IQCH: variants seen among roughly 807,000 people sequenced by gnomAD.
IQCH encodes the protein IQ domain-containing protein H.
Under a neutral mutation model 117.0 loss-of-function variants are expected in IQCH, and 98 were observed. The ratio of observed to expected loss-of-function variants is 0.84; its 90% CI spans 0.71 to 0.99. The LOEUF (loss-of-function observed/expected upper bound fraction) is 0.99, where lower values mean the gene tolerates loss of function less well. Among genes scored for constraint, IQCH ranks in the 50% least tolerant of loss-of-function variants. The pLI is 0.00. For missense variants in IQCH, 1,102 were observed against 1,243.8 expected (o/e 0.89, Z 1.72); for synonymous variants, 412 against 448.2 (o/e 0.92, Z 1.02).
rs764214714 is a variant in IQCH at position 67,357,434 on chromosome 15, C to T, written c.714+13C>T. 6.0e-6 allele frequency: 9 copies of T among 1,503,756 alleles called. No homozygotes were observed. In the African/African-American group the frequency reaches 1.2e-4, roughly 21 times the overall value. The allele number at this position is 1,503,756 out of a possible 1,614,324, so 93.2% of individuals were successfully genotyped here. A position where few individuals can be genotyped will look rare whatever the true frequency, so the allele number is the denominator to read the frequency against. On this transcript the variant is annotated intron_variant, in intron 7 of 20. Coordinates refer to ENST00000335894, the MANE Select transcript of IQCH (RefSeq NM_001031715.3). Reference sequence around the variant, plus strand: ...ACAAAGATCAAAGGTATTTATATTCCTCACTATAGAAAGAAAATTATTCTT... The same window carrying T: ...ACAAAGATCAAAGGTATTTATATTCTTCACTATAGAAAGAAAATTATTCTT...
chr15:67,266,039 A>T (rs886322771), intron 3 of IQCH, among the ~76,000 whole-genome samples: 2 of 152,108 alleles, frequency 1.3e-5, no homozygotes, highest in Non-Finnish European at 2.9e-5. Flanking sequence ...ACTTTCCTTA[A>T]GTTTTGAATT....
At position 67,387,806 on chromosome 15, in the gene IQCH, T is replaced by C. The variant is rs371902046; in HGVS notation, c.1457-1025T>C. ...TGAAGAAATGAATGCTTAGAAAGGT[T>C]AAATAACTAGAATTTAATTCAGTCT... On this transcript the variant is annotated intron_variant, in intron 11 of 20. Coordinates refer to ENST00000335894, the MANE Select transcript of IQCH (RefSeq NM_001031715.3). The surrounding 1 kb of genome is among the most constrained non-coding windows in gnomAD (Gnocchi z 4.8). Among the ~76,000 whole-genome samples the C allele has an allele frequency of 2.6e-5, 4 of 152,224 alleles. No individual in the cohort carries two copies. In the East Asian group the frequency reaches 7.7e-4, roughly 29 times the overall value.
intron 1 of IQCH, among the ~76,000 whole-genome samples, chr15:67,257,956 G>GT (rs1273078951): frequency 6.6e-6 from 1 of 152,228 alleles, no homozygotes; most frequent in African/African-American, 2.4e-5. Flanking sequence ...TTGGCCAGGC[G>GT]TGGTGGCTCA....
chr15:67,471,972 C>T (rs2083080975), intron 17 of IQCH, among the ~76,000 whole-genome samples: 1 of 152,188 alleles, frequency 6.6e-6, no homozygotes, highest in African/African-American at 2.4e-5. Flanking sequence ...GACAAAGTCC[C>T]TATCCTTGAG....
rs142542397 is a variant in IQCH, at chr15:67,459,413, G to C, written c.2506-5714G>C. The stretch of plus-strand genomic sequence containing the variant: ...GAGAACTTTATTTGCACAGAATGTA[G>C]GGCCTGAGCACATCTGCCCACATCT... On this transcript the variant is annotated intron_variant, in intron 16 of 20. Transcript: ENST00000335894. This position sits in a 1 kb window ranked among gnomAD's most constrained non-coding sequence, Gnocchi z 4.2. Among the ~76,000 whole-genome samples the C allele has an allele frequency of 6.6e-6, 1 of 152,234 alleles. No individual in the cohort carries two copies. The highest frequency in any genetic ancestry group is 1.9e-4 in the East Asian group (1 of 5,182).
intron 16 of IQCH, among the ~76,000 whole-genome samples, chr15:67,428,953 C>G (rs1044175932): frequency 6.6e-6 from 1 of 151,918 alleles, no homozygotes; most frequent in Non-Finnish European, 1.5e-5. Flanking sequence ...GGACCATGAG[C>G]CAATGGCATG....
rs769848847 is a variant in IQCH, at chr15:67,391,300, A to C, written c.1632+2294A>C. ...TAAGCAATCAACTTTTTAAAAATACAAAAATTAAATTCTCACTTTCAAATC... is the reference window on the plus strand; with the variant it reads ...TAAGCAATCAACTTTTTAAAAATACCAAAATTAAATTCTCACTTTCAAATC... On this transcript the variant is annotated intron_variant, in intron 12 of 20. Coordinates refer to ENST00000335894, the MANE Select transcript of IQCH (RefSeq NM_001031715.3). The surrounding 1 kb of genome is among the most constrained non-coding windows in gnomAD (Gnocchi z 4.3). Among the ~76,000 whole-genome samples, 3 of 152,230 alleles carry C rather than the reference A, an allele frequency of 2.0e-5. No individual in the cohort carries two copies. The highest frequency in any genetic ancestry group is 4.8e-5 in the African/African-American group (2 of 41,460).
At chr15:67,363,492 C>T (rs1262336487) in intron 8 of IQCH, among the ~76,000 whole-genome samples, 1 of 151,934 alleles carries the variant, frequency 6.6e-6, no homozygotes, top group Non-Finnish European at 1.5e-5. Flanking sequence ...ATGATCTGCC[C>T]ACCTCAACCT....
At position 67,391,301 on chromosome 15, in the gene IQCH, A is replaced by G. The variant is rs917110761; in HGVS notation, c.1632+2295A>G. ...AAGCAATCAACTTTTTAAAAATACA[A>G]AAATTAAATTCTCACTTTCAAATCA... On this transcript the variant is annotated intron_variant, in intron 12 of 20. Transcript: ENST00000335894. This position sits in a 1 kb window ranked among gnomAD's most constrained non-coding sequence, Gnocchi z 4.3. 1.3e-5 allele frequency among the ~76,000 whole-genome samples: 2 copies of G among 152,216 alleles called. No homozygotes were observed. Among genetic ancestry groups the G allele is most frequent in the Admixed American group, 6.5e-5 (1 of 15,276 alleles).
rs2082910036 is a variant in IQCH, at chr15:67,465,565, C to G, written c.2676+268C>G. Among the ~76,000 whole-genome samples the G allele has an allele frequency of 6.6e-6, 1 of 152,050 alleles. No individual in the cohort carries two copies. Among genetic ancestry groups the G allele is most frequent in the African/African-American group, 2.4e-5 (1 of 41,404 alleles). Reference sequence around the variant, plus strand: ...TTTTTCTAGGCAGGTACACCTACACCCATTGCCTCAACTACAAGCTGTTTC... The same window carrying G: ...TTTTTCTAGGCAGGTACACCTACACGCATTGCCTCAACTACAAGCTGTTTC... On this transcript the variant is annotated intron_variant, in intron 17 of 20. Coordinates refer to ENST00000335894, the MANE Select transcript of IQCH (RefSeq NM_001031715.3). This position sits in a 1 kb window ranked among gnomAD's most constrained non-coding sequence, Gnocchi z 5.9.
intron 18 of IQCH, among the ~76,000 whole-genome samples, chr15:67,489,120 G>C (rs554888015): frequency 6.6e-5 from 10 of 150,684 alleles, no homozygotes; most frequent in African/African-American, 2.2e-4. Context: ...TGCAAGCTCC[G>C]CCTCCCAGGT....
At chr15:67,435,869 TA>T (rs78859437) in intron 16 of IQCH, among the ~76,000 whole-genome samples, 362 of 138,206 alleles carry the variant, frequency 2.6e-3, no homozygotes, top group Middle Eastern at 7.4e-3. Context: ...AGACCCTGTC[TA>T]AAAAAAAAAA....
rs1596361494 is a variant in IQCH at position 67,430,956 on chromosome 15, C to T, written c.2505+9379C>T. On this transcript the variant is annotated intron_variant, in intron 16 of 20. Transcript: ENST00000335894. The surrounding 1 kb of genome is among the most constrained non-coding windows in gnomAD (Gnocchi z 5.1). ...GTTTAACGGCCAAATGATTTTTCTA[C>T]ATGCATTCAGACAAGAGAAAGATCC... is the stretch of plus-strand genomic sequence containing the variant. Among the ~76,000 whole-genome samples, 1 of 152,184 alleles carries T rather than the reference C, an allele frequency of 6.6e-6. No homozygotes were observed. Among genetic ancestry groups the T allele is most frequent in the South Asian group, 2.1e-4 (1 of 4,828 alleles).
At position 67,456,046 on chromosome 15, in the gene IQCH, T is replaced by C. The variant is rs190417365; in HGVS notation, c.2506-9081T>C. 1.4e-4 allele frequency among the ~76,000 whole-genome samples: 21 copies of C among 152,232 alleles called. No homozygotes were observed. The East Asian group carries it at 3.7e-3, about 27-fold the overall frequency. On this transcript the variant is annotated intron_variant, in intron 16 of 20. Transcript: ENST00000335894. The surrounding 1 kb of genome is among the most constrained non-coding windows in gnomAD (Gnocchi z 5.1). Reference sequence around the variant, plus strand: ...ATCTTTATAAATAATAGTTGGGCCATTGGTCTTGAAAGTAATAGAGGGAGG... The same window carrying C: ...ATCTTTATAAATAATAGTTGGGCCACTGGTCTTGAAAGTAATAGAGGGAGG...
chr15:67,263,292 A>G, intron 3 of IQCH, 76 bp downstream of exon 3: 1 of 749,934 alleles, frequency 1.3e-6, no homozygotes, highest in Non-Finnish European at 2.3e-6. Context: ...TGAGATGACT[A>G]TAAAATATAG....
rs10663973 is a variant in IQCH, at chr15:67,301,401, GTTTTTTTTTTT to G, written c.387+21905_387+21915del. Among the ~76,000 whole-genome samples the G allele has an allele frequency of 1.2e-3, 91 of 75,376 alleles. 1 individual carries two copies. The highest frequency in any genetic ancestry group is 3.6e-3 in the African/African-American group (66 of 18,322). 49.4% of individuals were successfully genotyped at this position (75,376 alleles called of 152,430 possible). A position where few individuals can be genotyped will look rare whatever the true frequency, so the allele number is the denominator to read the frequency against. On this transcript the variant is annotated intron_variant, in intron 4 of 20. Coordinates refer to ENST00000335894, the MANE Select transcript of IQCH (RefSeq NM_001031715.3). Reference sequence around the variant, plus strand: ...TTCAGTGAAACATTTGTTATGTTAAGTTTTTTTTTTTTTTTTTTTTTTTTTTGAAACCGAGT... The same window carrying G: ...TTCAGTGAAACATTTGTTATGTTAAGTTTTTTTTTTTTTTTGAAACCGAGT...
In IQCH at chr15:67,434,285, T is replaced by G. The variant is rs116583658; in HGVS notation, c.2505+12708T>G. Reference sequence around the variant, plus strand: ...ATCACTCATCTACTTTCTGTTGCTATAAGTTTGACTTTTTTGGATTCCACA... The same window carrying G: ...ATCACTCATCTACTTTCTGTTGCTAGAAGTTTGACTTTTTTGGATTCCACA... On this transcript the variant is annotated intron_variant, in intron 16 of 20. Transcript: ENST00000335894. Among the ~76,000 whole-genome samples, 539 of 152,340 alleles carry G rather than the reference T, an allele frequency of 3.5e-3. 8 individuals are homozygous for G. The highest frequency in any genetic ancestry group is 0.012 in the African/African-American group (517 of 41,582).
In IQCH at chr15:67,485,146, CAG is replaced by C. The variant is rs763955993; in HGVS notation, c.2800-4856_2800-4855del. ...TTCCAGCAGGAATAGAGTTTAAAGA[CAG>C]GGACTTTAAAATAGCTAGGACTAAT... On this transcript the variant is annotated intron_variant, in intron 18 of 20. Transcript: ENST00000335894. Among the ~76,000 whole-genome samples the C allele has an allele frequency of 6.6e-5, 10 of 152,186 alleles. No individual in the cohort carries two copies. In the East Asian group the frequency reaches 9.7e-4, roughly 15 times the overall value.
chr15:67,453,963 G>A lies in IQCH; in HGVS notation c.2506-11164G>A, dbSNP rs1286581178. On this transcript the variant is annotated intron_variant, in intron 16 of 20. Transcript: ENST00000335894. This position sits in a 1 kb window ranked among gnomAD's most constrained non-coding sequence, Gnocchi z 5.8. Reference sequence around the variant, plus strand: ...CCTCCCCCAGCCTCGCTGCCGCCTTGCAGTTCGATCTGGGACTGCTGTGCT... The same window carrying A: ...CCTCCCCCAGCCTCGCTGCCGCCTTACAGTTCGATCTGGGACTGCTGTGCT... Among the ~76,000 whole-genome samples, 1 of 152,210 alleles carries A rather than the reference G, an allele frequency of 6.6e-6. No individual in the cohort carries two copies. The highest frequency in any genetic ancestry group is 1.5e-5 in the Non-Finnish European group (1 of 68,036).
Sources: allele counts gnomAD v4.1 joint callset (sites outside exome capture counted in the v4.1 genomes callset), GRCh38; gene constraint gnomAD v4.1.1; non-coding constraint Gnocchi (gnomAD v3.1); transcripts MANE v1.5; gene names NCBI Gene and HGNC (gene_info 2026-07-23, HGNC 2026-07-21).